The following RAPGEF4 variants were observed in gnomAD, a reference collection of about 807,000 sequenced individuals.
RAPGEF4 encodes the protein Rap guanine nucleotide exchange factor 4.
A neutral mutation model predicts 147.9 loss-of-function variants in RAPGEF4; 66 were observed. The ratio of observed to expected loss-of-function variants is 0.45; its 90% CI spans 0.37 to 0.55. The LOEUF is 0.55. Ranked by LOEUF, RAPGEF4 falls within the 20% of genes least tolerant of loss-of-function variation. The pLI is 0.00. For missense variants in RAPGEF4, 1,071 were observed against 1,257.3 expected, an observed-to-expected ratio of 0.85 and a Z score of 2.24; for synonymous variants, 419 against 442.7, an observed-to-expected ratio of 0.95 and a Z score of 0.67.
chr2:173,003,568 G>C (rs1239481059), intron 17 of RAPGEF4, among the ~76,000 whole-genome samples: 1 of 152,144 alleles, frequency 6.6e-6, no homozygotes, highest in Non-Finnish European at 1.5e-5. Context: ...TATTGGGTTA[G>C]TATTAGCTTT....
chr2:172,775,433 A>G (rs1018710747), intron 1 of RAPGEF4, among the ~76,000 whole-genome samples: 2 of 152,206 alleles, frequency 1.3e-5, no homozygotes, highest in African/African-American at 2.4e-5. Context: ...ACTAAAAAGA[A>G]AGACTGTCAA....
At chr2:172,829,473 C>G (rs1690046667) in intron 4 of RAPGEF4, among the ~76,000 whole-genome samples, 1 of 152,118 alleles carries the variant, frequency 6.6e-6, no homozygotes, top group Admixed American at 6.6e-5. Flanking sequence ...AGATCTGATT[C>G]GAAAACATCG....
At chr2:172,794,931 G>C (rs1686221165) in intron 1 of RAPGEF4, 94 bp from the exon 2 acceptor site, 5 of 1,231,116 alleles carry the variant, frequency 4.1e-6, no homozygotes, top group Non-Finnish European at 5.7e-6. Flanking sequence ...TGGGATATTT[G>C]GGTAAATTTG....
At chr2:172,795,296 G>C (rs373520324) in intron 2 of RAPGEF4, 129 bp downstream of exon 2, 1 of 927,260 alleles carries the variant, frequency 1.1e-6, no homozygotes, top group Non-Finnish European at 1.6e-6. Flanking sequence ...AAAGTATTAA[G>C]GTGACATTTC....
chr2:172,818,099 A>T (rs944370024), intron 4 of RAPGEF4, among the ~76,000 whole-genome samples: 2 of 151,752 alleles, frequency 1.3e-5, no homozygotes, highest in Non-Finnish European at 2.9e-5. Flanking sequence ...AAAACCAAAC[A>T]TCATATGTTC....
chr2:172,983,618 T>G, intron 11 of RAPGEF4, 38 bp downstream of exon 11: 1 of 1,608,244 alleles, frequency 6.2e-7, no homozygotes, highest in African/African-American at 1.3e-5. Flanking sequence ...TGGAGCACTT[T>G]GCAATAAATG....
intron 4 of RAPGEF4, among the ~76,000 whole-genome samples, chr2:172,898,746 G>A (rs115421507): frequency 0.02 from 3,086 of 152,254 alleles, 44 homozygotes; most frequent in Non-Finnish European, 0.033. Context: ...CCTATGGGCC[G>A]CCACACATCT....
At chr2:172,845,058 T>A (rs1342576008) in intron 4 of RAPGEF4, among the ~76,000 whole-genome samples, 1 of 152,162 alleles carries the variant, frequency 6.6e-6, no homozygotes, top group Non-Finnish European at 1.5e-5. Flanking sequence ...GATTTTCTGA[T>A]GGGAATAGTA....
At chr2:172,839,072 C>G (rs1355265032) in intron 4 of RAPGEF4, among the ~76,000 whole-genome samples, 6 of 152,030 alleles carry the variant, frequency 3.9e-5, no homozygotes, top group Non-Finnish European at 8.8e-5. Flanking sequence ...CACTCAGGAC[C>G]TCCATTTATA....
At chr2:172,998,549 G>A (rs1693594266) in intron 16 of RAPGEF4, among the ~76,000 whole-genome samples, 1 of 152,184 alleles carries the variant, frequency 6.6e-6, no homozygotes, top group African/African-American at 2.4e-5. Flanking sequence ...CTGCACTCCA[G>A]CTTGCACAAC....
At chr2:173,005,986 G>A (rs1199798244) in intron 17 of RAPGEF4, among the ~76,000 whole-genome samples, 1 of 151,962 alleles carries the variant, frequency 6.6e-6, no homozygotes, top group African/African-American at 2.4e-5. Flanking sequence ...CGGTATTCTA[G>A]CCACTCGTAG....
At chr2:172,866,672 C>A (rs1185136756) in intron 4 of RAPGEF4, among the ~76,000 whole-genome samples, 1 of 151,972 alleles carries the variant, frequency 6.6e-6, no homozygotes, top group Non-Finnish European at 1.5e-5. Flanking sequence ...TGGATTTTAA[C>A]CCCAAAATGG....
At chr2:173,032,199 A>T (rs991606943) in intron 26 of RAPGEF4, among the ~76,000 whole-genome samples, 3 of 152,140 alleles carry the variant, frequency 2.0e-5, no homozygotes, top group African/African-American at 7.2e-5. Flanking sequence ...GGTCGTGGAG[A>T]CGTCTTCTCT....
intron 4 of RAPGEF4, among the ~76,000 whole-genome samples, chr2:172,869,044 T>C (rs945951041): frequency 6.6e-6 from 1 of 152,242 alleles, no homozygotes; most frequent in Non-Finnish European, 1.5e-5. Flanking sequence ...GTAGTTTTGG[T>C]ATCTGGAGCC....
rs146180257 is a variant in RAPGEF4, at chr2:172,743,576, A to G, written c.65+7528A>G. On this transcript the variant is annotated intron_variant, in intron 1 of 30. Transcript: ENST00000397081. ...ATATCCCATTAATATTTTGTGGGGC[A>G]GACATTGTTTTCCTTCACCTACCTC... 5.3e-5 allele frequency among the ~76,000 whole-genome samples: 8 copies of G among 152,322 alleles called. No homozygotes were observed. In the East Asian group the frequency reaches 5.8e-4, roughly 11 times the overall value.
At chr2:172,847,162 C>T (rs1410291497) in intron 4 of RAPGEF4, among the ~76,000 whole-genome samples, 1 of 152,142 alleles carries the variant, frequency 6.6e-6, no homozygotes, top group South Asian at 2.1e-4. Flanking sequence ...CCAGAGTTAG[C>T]GGTTGCAGGG....
rs115175373 is a variant in RAPGEF4, at chr2:173,007,039, T to C, written c.1658+5695T>C. Among the ~76,000 whole-genome samples the C allele has an allele frequency of 6.3e-3, 956 of 152,340 alleles. 13 individuals are homozygous for C. Among genetic ancestry groups the C allele is most frequent in the African/African-American group, 0.021 (882 of 41,570 alleles). The stretch of plus-strand genomic sequence containing the variant: ...CAGATATGCTAAAAAATATTTCATA[T>C]ACATGTTCTCGGCCTCATATCAACA... On this transcript the variant is annotated intron_variant, in intron 17 of 30. Transcript: ENST00000397081.
intron 1 of RAPGEF4, among the ~76,000 whole-genome samples, chr2:172,743,629 G>C (rs1451449): frequency 0.99 from 150,974 of 152,360 alleles, 74,821 homozygotes; most frequent in Middle Eastern, 1. Context: ...AAACAACATA[G>C]TTATTTTCCC....
intron 15 of RAPGEF4, among the ~76,000 whole-genome samples, chr2:172,996,233 A>G (rs1210883347): frequency 6.6e-6 from 1 of 152,136 alleles, no homozygotes; most frequent in Admixed American, 6.5e-5. Flanking sequence ...CCTTATTTCC[A>G]TATAGGGAAA....
Sources: gnomAD v4.1 joint callset for allele counts (sites outside exome capture counted in the v4.1 genomes callset) on GRCh38, gnomAD v4.1.1 for gene constraint, MANE v1.5 for transcripts, NCBI Gene and HGNC (gene_info 2026-07-23, HGNC 2026-07-21) for gene names.